The following ANO6 variants were observed in gnomAD, a reference collection of about 807,000 sequenced individuals.
ANO6 encodes the protein anoctamin-6.
In ANO6, 106 loss-of-function variants were observed where a neutral mutation model predicts 117.5. The ratio of observed to expected loss-of-function variants is 0.90; its 90% CI spans 0.77 to 1.06. The LOEUF (loss-of-function observed/expected upper bound fraction) is 1.06, where lower values mean the gene tolerates loss of function less well. Among genes scored for constraint, ANO6 ranks in the 50% least tolerant of loss-of-function variants. The probability of loss-of-function intolerance (pLI) is 0.00; values close to 1 mark genes in which losing one functional copy is unlikely to be tolerated. For missense variants in ANO6, 955 were observed against 1,121.1 expected, an observed-to-expected ratio of 0.85 and a Z score of 2.12; for synonymous variants, 367 against 385.1, an observed-to-expected ratio of 0.95 and a Z score of 0.55.
chr12:45,224,705 A>G (rs1947455060), intron 1 of ANO6, among the ~76,000 whole-genome samples: 1 of 152,160 alleles, frequency 6.6e-6, no homozygotes, highest in Admixed American at 6.5e-5. Context: ...CTTAATTTGT[A>G]TTTTAGCTGT....
At chr12:45,353,905 A>G (rs990004194) in intron 7 of ANO6, among the ~76,000 whole-genome samples, 1 of 143,198 alleles carries the variant, frequency 7.0e-6, no homozygotes, top group Non-Finnish European at 1.5e-5. Context: ...AATAGAACGC[A>G]TTAGAAAAAT....
intron 16 of ANO6, among the ~76,000 whole-genome samples, chr12:45,412,133 T>A (rs1943102184): frequency 6.6e-6 from 1 of 152,240 alleles, no homozygotes; most frequent in African/African-American, 2.4e-5. Flanking sequence ...CCCAAATTGC[T>A]TCTCTAAGAG....
chr12:45,330,497 C>T (rs1429479243), intron 2 of ANO6, among the ~76,000 whole-genome samples: 5 of 152,096 alleles, frequency 3.3e-5, no homozygotes, highest in Admixed American at 1.3e-4. Flanking sequence ...TTCTGACAAG[C>T]TGTGTGAGAA....
At chr12:45,278,805 A>G (rs901328104) in intron 1 of ANO6, among the ~76,000 whole-genome samples, 3 of 152,156 alleles carry the variant, frequency 2.0e-5, no homozygotes, top group Non-Finnish European at 4.4e-5. Flanking sequence ...GATGGCTGGA[A>G]GTTCTGTAGT....
At chr12:45,380,411 A>G (rs1228342782) in intron 10 of ANO6, among the ~76,000 whole-genome samples, 1 of 152,254 alleles carries the variant, frequency 6.6e-6, no homozygotes, top group Non-Finnish European at 1.5e-5. Flanking sequence ...ACCACCAGTC[A>G]TCTGGCTCAC....
chr12:45,305,456 G>A (rs1372548567), intron 2 of ANO6, among the ~76,000 whole-genome samples: 2 of 152,298 alleles, frequency 1.3e-5, no homozygotes, highest in Non-Finnish European at 2.9e-5. Context: ...ATATTGATAA[G>A]CATAACTAAT....
chr12:45,271,862 A>G (rs74080993), intron 1 of ANO6, among the ~76,000 whole-genome samples: 1,630 of 152,322 alleles, frequency 0.011, 30 homozygotes, highest in African/African-American at 0.037. Context: ...AGACCCCAAG[A>G]TGTTAAGATG....
intron 3 of ANO6, 128 bp downstream of exon 3, chr12:45,331,551 C>A: frequency 1.1e-6 from 1 of 939,686 alleles, no homozygotes; most frequent in Non-Finnish European, 1.6e-6. Flanking sequence ...TTCATATTTT[C>A]TCTGCTCATG....
Position 45,388,421 on chromosome 12 carries a change from A to G in ANO6, c.1308+118A>G. 4 of 1,285,652 alleles carry G rather than the reference A, an allele frequency of 3.1e-6. No individual in the cohort carries two copies. In the South Asian group the frequency reaches 4.9e-5, roughly 16 times the overall value. The allele number at this position is 1,285,652 out of a possible 1,614,324, so 79.6% of individuals were successfully genotyped here. On this transcript the variant is annotated intron_variant, in intron 11 of 19. Transcript: ENST00000320560. ...AAAATATTGATACCTGAGTTCCATC[A>G]CTACATACTCTGGTACTTAGTAACC...
chr12:45,432,752 C>T (rs532543405), downstream of ANO6, among the ~76,000 whole-genome samples: 28 of 152,290 alleles, frequency 1.8e-4, no homozygotes, highest in South Asian at 3.3e-3. Flanking sequence ...ACCGAGAGGA[C>T]GTAACTGGCA....
rs76863077 is a variant in ANO6 at position 45,429,055 on chromosome 12, G to A, written c.2527-50G>A. 5.1e-5 allele frequency: 82 copies of A among 1,598,304 alleles called. 1 individual carries two copies. In the South Asian group the frequency reaches 5.6e-4, roughly 11 times the overall value. On this transcript the variant is annotated intron_variant, in intron 19 of 19. Transcript: ENST00000320560. ...CAAGCAAGAATGAAAGGAACTCGGT[G>A]TTCTCCTCCATTTCTTTGTGAGTGA...
chr12:45,428,964 T>C, intron 19 of ANO6, 141 bp from the exon 20 acceptor site: 1 of 914,454 alleles, frequency 1.1e-6, no homozygotes. Context: ...TTAGACACAA[T>C]GGCATTAGCG....
intron 10 of ANO6, among the ~76,000 whole-genome samples, chr12:45,379,725 A>G (rs1942121204): frequency 1.3e-5 from 2 of 152,242 alleles, no homozygotes; most frequent in African/African-American, 4.8e-5. Flanking sequence ...GACACTAGAA[A>G]GACAAGCCTC....
At chr12:45,424,165 G>T (rs1391841501) in intron 19 of ANO6, among the ~76,000 whole-genome samples, 1 of 151,826 alleles carries the variant, frequency 6.6e-6, no homozygotes, top group Non-Finnish European at 1.5e-5. Flanking sequence ...GAAGTGATTG[G>T]CCTTCTCCTT....
chr12:45,267,175 C>T (rs1435155916), intron 1 of ANO6, among the ~76,000 whole-genome samples: 1 of 152,174 alleles, frequency 6.6e-6, no homozygotes, highest in Non-Finnish European at 1.5e-5. Flanking sequence ...TCTCACAGTT[C>T]TGGAGGCTAG....
chr12:45,271,731 G>A (rs77772328), intron 1 of ANO6, among the ~76,000 whole-genome samples: 3 of 152,288 alleles, frequency 2.0e-5, no homozygotes, highest in South Asian at 4.1e-4. Context: ...TATCTGCTTA[G>A]CCTACAAGTG....
At chr12:45,330,349 C>T (rs1223743375) in intron 2 of ANO6, among the ~76,000 whole-genome samples, 1 of 152,126 alleles carries the variant, frequency 6.6e-6, no homozygotes, top group Non-Finnish European at 1.5e-5. Flanking sequence ...GAGAATTAAT[C>T]ACATTTAATG....
chr12:45,225,184 A>C (rs892604675), intron 1 of ANO6, among the ~76,000 whole-genome samples: 33 of 97,770 alleles, frequency 3.4e-4, no homozygotes, highest in South Asian at 6.8e-4. Flanking sequence ...ACCCTGTCTC[A>C]AAAAAAAAAA....
chr12:45,429,693 GT>G lies in ANO6; in HGVS notation c.*385del. 9.0e-7 allele frequency: 1 copy of G among 1,112,346 alleles called. No homozygotes were observed. The highest frequency in any genetic ancestry group is 2.3e-5 in the South Asian group (1 of 42,620). 68.9% of individuals were successfully genotyped at this position (1,112,346 alleles called of 1,614,324 possible). A position where few individuals can be genotyped will look rare whatever the true frequency, so the allele number is the denominator to read the frequency against. ...ATGATCTCCTTTATTTTTAAGCCATGTTTCATTTCTTCACTTGGCTAGATCT... is the reference window on the plus strand; with the variant it reads ...ATGATCTCCTTTATTTTTAAGCCATGTTCATTTCTTCACTTGGCTAGATCT... On this transcript the variant is annotated 3_prime_UTR_variant, in exon 20 of 20. Transcript: ENST00000320560.
Sources: gnomAD v4.1 joint callset for allele counts (sites outside exome capture counted in the v4.1 genomes callset) on GRCh38, gnomAD v4.1.1 for gene constraint, MANE v1.5 for transcripts, NCBI Gene and HGNC (gene_info 2026-07-23, HGNC 2026-07-21) for gene names.